ADGRB3: variants seen among roughly 807,000 people sequenced by gnomAD.
ADGRB3 encodes the protein brain-specific angiogenesis inhibitor 3.
In ADGRB3, 37 loss-of-function variants were observed where a neutral mutation model predicts 193.4. That is an observed-to-expected ratio of 0.19 (90% confidence interval 0.15 to 0.25). ADGRB3 has a LOEUF of 0.25. ADGRB3 is among the 10% of genes least tolerant of loss of function. The pLI is 1.00. For synonymous variants in ADGRB3, 690 were observed against 644.2 expected (o/e 1.07, Z -1.08); for missense variants, 1,637 against 1,852.9 (o/e 0.88, Z 2.14).
intron 17 of ADGRB3, among the ~76,000 whole-genome samples, chr6:69,081,816 A>G (rs2150314607): frequency 6.6e-6 from 1 of 152,230 alleles, no homozygotes; most frequent in East Asian, 1.9e-4. Flanking sequence ...GATAACGTTT[A>G]CATAAATGCT....
chr6:68,862,888 T>C (rs1765195828), intron 3 of ADGRB3, among the ~76,000 whole-genome samples: 1 of 152,162 alleles, frequency 6.6e-6, no homozygotes, highest in African/African-American at 2.4e-5. Flanking sequence ...TCAAGATTTT[T>C]GTCTCTTTTC....
intron 28 of ADGRB3, among the ~76,000 whole-genome samples, chr6:69,356,206 C>G (rs1344949000): frequency 6.6e-6 from 1 of 152,090 alleles, no homozygotes; most frequent in Non-Finnish European, 1.5e-5. Context: ...AGGCAACCCT[C>G]CAGAATGGGC....
chr6:69,268,288 A>C (rs2127277547), intron 20 of ADGRB3, among the ~76,000 whole-genome samples: 1 of 152,262 alleles, frequency 6.6e-6, no homozygotes, highest in South Asian at 2.1e-4. Context: ...TAATAATAGA[A>C]TTATTTGAAA....
chr6:69,217,536 G>A (rs1039387233), intron 17 of ADGRB3, among the ~76,000 whole-genome samples: 6 of 152,156 alleles, frequency 3.9e-5, no homozygotes, highest in African/African-American at 1.4e-4. Context: ...AAGTAAGGCT[G>A]CGTGATATAG....
At chr6:68,756,660 C>T (rs1766304153) in intron 3 of ADGRB3, among the ~76,000 whole-genome samples, 1 of 152,032 alleles carries the variant, frequency 6.6e-6, no homozygotes, top group African/African-American at 2.4e-5. Context: ...CAGATGGGAG[C>T]TCAGGGTTAT....
chr6:68,883,264 A>C (rs1765785791), intron 3 of ADGRB3, among the ~76,000 whole-genome samples: 1 of 152,148 alleles, frequency 6.6e-6, no homozygotes, highest in Non-Finnish European at 1.5e-5. Context: ...GCACCCTGTC[A>C]AAACGGACCA....
intron 20 of ADGRB3, among the ~76,000 whole-genome samples, chr6:69,321,844 T>C (rs1768462447): frequency 6.6e-6 from 1 of 151,842 alleles, no homozygotes; most frequent in Admixed American, 6.6e-5. Flanking sequence ...TGTGTTTCCT[T>C]GTATGGAGTG....
intron 3 of ADGRB3, among the ~76,000 whole-genome samples, chr6:68,778,870 CAGTT>C: frequency 1.3e-5 from 2 of 152,096 alleles, no homozygotes. Context: ...CATTGTTTCT[CAGTT>C]AGGCTTCCAA....
At chr6:69,035,734 G>T (rs1392553626) in intron 13 of ADGRB3, among the ~76,000 whole-genome samples, 1 of 152,138 alleles carries the variant, frequency 6.6e-6, no homozygotes, top group Non-Finnish European at 1.5e-5. Context: ...GGGTCTGATG[G>T]CCTAATGTGT....
chr6:68,896,651 C>A (rs930415036), intron 3 of ADGRB3, among the ~76,000 whole-genome samples: 4 of 151,828 alleles, frequency 2.6e-5, no homozygotes, highest in Admixed American at 6.6e-5. Context: ...AAGCAGAAAG[C>A]GTATGGGGAA....
chr6:69,185,154 A>G (rs1765042765), intron 17 of ADGRB3, among the ~76,000 whole-genome samples: 1 of 152,166 alleles, frequency 6.6e-6, no homozygotes, highest in Non-Finnish European at 1.5e-5. Flanking sequence ...GGAAATAAGT[A>G]TAACTTCAGG....
At chr6:69,346,955 A>G (rs2127324155) in intron 26 of ADGRB3, among the ~76,000 whole-genome samples, 1 of 152,302 alleles carries the variant, frequency 6.6e-6, no homozygotes, top group East Asian at 1.9e-4. Flanking sequence ...CTTGGAACTA[A>G]CCCAAATGCC....
intron 3 of ADGRB3, among the ~76,000 whole-genome samples, chr6:68,752,534 A>G (rs1766220019): frequency 6.6e-6 from 1 of 152,056 alleles, no homozygotes; most frequent in Admixed American, 6.5e-5. Context: ...CGGCCTCCCA[A>G]AGTGCTGGGA....
chr6:68,842,776 T>C (rs893054425), intron 3 of ADGRB3, among the ~76,000 whole-genome samples: 2 of 151,844 alleles, frequency 1.3e-5, no homozygotes, highest in Non-Finnish European at 2.9e-5. Context: ...CTCAACAAAA[T>C]ACTCGCAAAC....
At chr6:69,319,278 G>A (rs1034979949) in intron 20 of ADGRB3, among the ~76,000 whole-genome samples, 2 of 151,120 alleles carry the variant, frequency 1.3e-5, no homozygotes, top group Non-Finnish European at 1.5e-5. Flanking sequence ...TCCAAAAGGT[G>A]CAGAATTTTA....
chr6:69,354,540 G>A (rs1005868772), intron 27 of ADGRB3, among the ~76,000 whole-genome samples: 1 of 152,170 alleles, frequency 6.6e-6, no homozygotes, highest in Non-Finnish European at 1.5e-5. Context: ...GGTGTTGAGT[G>A]TGGGAGTCCT....
intron 3 of ADGRB3, among the ~76,000 whole-genome samples, chr6:68,738,889 G>T (rs1034607655): frequency 2.6e-5 from 4 of 152,114 alleles, no homozygotes; most frequent in Non-Finnish European, 5.9e-5. Context: ...GAAAGTGATT[G>T]TAAATAGAGA....
At chr6:68,647,405 G>A (rs1288129837) in intron 3 of ADGRB3, among the ~76,000 whole-genome samples, 1 of 151,850 alleles carries the variant, frequency 6.6e-6, no homozygotes, top group Admixed American at 6.6e-5. Flanking sequence ...CTTCAAATCA[G>A]CACAGTTTTG....
At chr6:69,241,495 T>C (rs1766384457) in intron 20 of ADGRB3, among the ~76,000 whole-genome samples, 1 of 151,958 alleles carries the variant, frequency 6.6e-6, no homozygotes, top group African/African-American at 2.4e-5. Context: ...CGACGTTGTG[T>C]AGGTCTAAAT....
Sources: allele counts gnomAD v4.1 joint callset (sites outside exome capture counted in the v4.1 genomes callset), GRCh38; gene constraint gnomAD v4.1.1; transcripts MANE v1.5; gene names NCBI Gene and HGNC (gene_info 2026-07-23, HGNC 2026-07-21).